PTPRB: variants seen among roughly 807,000 people sequenced by gnomAD.
The protein encoded by PTPRB is protein tyrosine phosphatase receptor type B.
A neutral mutation model predicts 238.1 loss-of-function variants in PTPRB; 97 were observed. The ratio of observed to expected loss-of-function variants is 0.41; its 90% CI spans 0.35 to 0.48. The LOEUF (loss-of-function observed/expected upper bound fraction) is 0.48. Ranked by LOEUF, PTPRB falls within the 20% of genes least tolerant of loss-of-function variation. PTPRB has a pLI of 0.30. For missense variants in PTPRB, 2,292 were observed against 2,681.9 expected, an observed-to-expected ratio of 0.85 and a Z score of 3.21; for synonymous variants, 970 against 995.4, an observed-to-expected ratio of 0.97 and a Z score of 0.48.
intron 4 of PTPRB, among the ~76,000 whole-genome samples, chr12:70,605,647 A>C (rs1337220345): frequency 1.3e-5 from 2 of 152,080 alleles, no homozygotes; most frequent in Non-Finnish European, 2.9e-5. Flanking sequence ...AGAAGACACA[A>C]GTCAGCTCTA....
intron 15 of PTPRB, 52 bp downstream of exon 15, chr12:70,566,383 A>G (rs1291666192): frequency 1.9e-6 from 3 of 1,583,892 alleles, no homozygotes; most frequent in Non-Finnish European, 2.6e-6. Context: ...GTTCTTACAC[A>G]ATAGCAGACA....
chr12:70,566,137 C>T (rs1429567685), intron 15 of PTPRB, among the ~76,000 whole-genome samples: 1 of 152,102 alleles, frequency 6.6e-6, no homozygotes, highest in Non-Finnish European at 1.5e-5. Flanking sequence ...ATCTTCAGGA[C>T]TAGAAAATAA....
At chr12:70,550,023 T>C (rs1189933498) in intron 21 of PTPRB, among the ~76,000 whole-genome samples, 1 of 152,204 alleles carries the variant, frequency 6.6e-6, no homozygotes, top group Non-Finnish European at 1.5e-5. Context: ...CCTGTTGGAC[T>C]GTGAGTTCTT....
chr12:70,535,584 G>A (rs1874003735), intron 29 of PTPRB, among the ~76,000 whole-genome samples: 1 of 152,230 alleles, frequency 6.6e-6, no homozygotes, highest in East Asian at 1.9e-4. Flanking sequence ...TAAAGTAGAG[G>A]ATGGTAAGTG....
Position 70,635,741 on chromosome 12 carries a change from G to C in PTPRB, c.381C>G (p.Leu127=). 6.2e-7 allele frequency: 1 copy of C among 1,613,920 alleles called. No homozygotes were observed. Among genetic ancestry groups the C allele is most frequent in the Non-Finnish European group, 8.5e-7 (1 of 1,179,876 alleles). The stretch of plus-strand genomic sequence containing the variant: ...TGACATCTATTTTCATCCAGCTATG[G>C]AGGTATTTCCTGGCCTTCTTGACCA... The part of the protein sequence containing the change: ...RVVVKKARKY[L]HSWMKIDVNK... Residue 127 remains leucine, a synonymous_variant, in exon 2 of 34, where the codon CTC becomes CTG. Coordinates refer to ENST00000334414, the MANE Select transcript of PTPRB (RefSeq NM_001109754.4).
In PTPRB at chr12:70,563,062, C is replaced by T; in HGVS notation, c.3950G>A (p.Arg1317Lys). The change falls in exon 16 of 34, where the codon AGG (arginine) becomes AAG (lysine). Residue 1317 changes from arginine to lysine, a missense_variant. Arg to Lys is a conservative substitution (Grantham distance 26). Transcript: ENST00000334414. ...TDLRITENST[R>K]HLSFRWTASE... ...GGCGGTCCAGCGGAAGGACAGGTGC[C>T]TGGTGGAGTTCTCTGTGATCCTCAG... is the stretch of plus-strand genomic sequence containing the variant. 6.2e-7 allele frequency: 1 copy of T among 1,613,742 alleles called. No homozygotes were observed. The highest frequency in any genetic ancestry group is 8.5e-7 in the Non-Finnish European group (1 of 1,179,756).
rs1565915002 is a variant in PTPRB at position 70,538,932 on chromosome 12, ATAT to A, written c.5858_5860del (p.Asn1953del). The A allele has an allele frequency of 5.0e-6, 8 of 1,611,984 alleles. No homozygotes were observed. In the Admixed American group the frequency reaches 5.0e-5, roughly 10 times the overall value. On this transcript the variant is annotated inframe_deletion, in exon 27 of 34. Transcript: ENST00000334414. ...TTTGACACAAAACTTACAGGGCAAT[ATAT>A]TGTTGTATCGATTTTTCCCTCTATT...
In PTPRB at chr12:70,535,224, G is replaced by GT. The variant is rs71457059; in HGVS notation, c.6082-270dup. ...TTAGGCCCAGTAATATATGGCTTGA[G>GT]TTTTTTTTTTTTTTTTTTTTTTTTT... On this transcript the variant is annotated intron_variant, in intron 29 of 33. Transcript: ENST00000334414. 9.2e-3 allele frequency among the ~76,000 whole-genome samples: 758 copies of GT among 82,006 alleles called. 21 individuals carry two copies. Among genetic ancestry groups the GT allele is most frequent in the South Asian group, 0.061 (102 of 1,666 alleles). 53.8% of individuals were successfully genotyped at this position (82,006 alleles called of 152,430 possible). A position where few individuals can be genotyped will look rare whatever the true frequency, so the allele number is the denominator to read the frequency against.
At position 70,516,561 on chromosome 12, in the gene PTPRB, A is replaced by T. The variant is rs988826247; in HGVS notation, c.*4928T>A. On this transcript the variant is annotated 3_prime_UTR_variant, in exon 34 of 34. Coordinates refer to ENST00000334414, the MANE Select transcript of PTPRB (RefSeq NM_001109754.4). The stretch of plus-strand genomic sequence containing the variant: ...CACAAACTCTTAAAGCCACAATTTC[A>T]TGTGTTCCTTTCTTGATGGAGGTGC... 2 of 152,160 alleles carry T rather than the reference A, an allele frequency of 1.3e-5. No individual in the cohort carries two copies. Among genetic ancestry groups the T allele is most frequent in the African/African-American group, 4.8e-5 (2 of 41,438 alleles). The allele number at this position is 152,160 out of a possible 1,614,324, so 9.4% of individuals were successfully genotyped here. A position where few individuals can be genotyped will look rare whatever the true frequency, so the allele number is the denominator to read the frequency against.
chr12:70,567,738 C>A (rs1422683890), intron 14 of PTPRB, among the ~76,000 whole-genome samples: 1 of 152,222 alleles, frequency 6.6e-6, no homozygotes, highest in Non-Finnish European at 1.5e-5. Context: ...ATGCTAATGG[C>A]CCTATAGTGG....
chr12:70,549,511 T>C (rs1263582423), intron 21 of PTPRB, among the ~76,000 whole-genome samples: 1 of 152,238 alleles, frequency 6.6e-6, no homozygotes, highest in Non-Finnish European at 1.5e-5. Flanking sequence ...ATTATATCTG[T>C]TGACATAATA....
intron 32 of PTPRB, among the ~76,000 whole-genome samples, chr12:70,528,256 T>C (rs764908078): frequency 3.5e-4 from 53 of 152,144 alleles, no homozygotes; most frequent in Non-Finnish European, 6.0e-4. Context: ...TACGATGACA[T>C]GAAGCTGGAG....
intron 27 of PTPRB, 40 bp from the exon 28 acceptor site, chr12:70,538,271 T>G (rs948026925): frequency 2.6e-6 from 4 of 1,556,456 alleles, no homozygotes; most frequent in Non-Finnish European, 3.5e-6. Context: ...GGAGTGACTT[T>G]TCTACAGTTT....
Position 70,589,945 on chromosome 12 carries a change from C to T in PTPRB, c.2050+19G>A. The T allele has an allele frequency of 1.2e-6, 2 of 1,608,342 alleles. No individual in the cohort carries two copies. Among genetic ancestry groups the T allele is most frequent in the South Asian group, 2.2e-5 (2 of 90,388 alleles). ...CAAATTACTCTTCCATTGGTATTAA[C>T]ATCTTCATATTTGCCTACCTGTCCT... On this transcript the variant is annotated intron_variant, in intron 8 of 33. Coordinates refer to ENST00000334414, the MANE Select transcript of PTPRB (RefSeq NM_001109754.4).
rs1879313697 is a variant in PTPRB, at chr12:70,566,473, C to T, written c.3866G>A (p.Gly1289Asp). 1 of 1,613,788 alleles carries T rather than the reference C, an allele frequency of 6.2e-7. No individual in the cohort carries two copies. The highest frequency in any genetic ancestry group is 1.1e-5 in the South Asian group (1 of 91,076). ...AGTCTGGGCTTCCTTGCTAAAGAGG[C>T]CTCCACTGACAGTTAGGATCTGTAT... ...YKIQILTVSG[G>D]LFSKEAQTEG... The change falls in exon 15 of 34, where the codon GGC (glycine) becomes GAC (aspartate). Residue 1289 changes from glycine to aspartate, a missense_variant. This residue lies in a region of PTPRB where 683 missense variants were observed against 862.0 expected (regional missense o/e 0.79). Transcript: ENST00000334414.
At chr12:70,533,362 A>C (rs538418531) in intron 31 of PTPRB, among the ~76,000 whole-genome samples, 1 of 152,330 alleles carries the variant, frequency 6.6e-6, no homozygotes, top group East Asian at 1.9e-4. Flanking sequence ...GGAGGAGATG[A>C]GTACACTTGG....
At chr12:70,522,805 TTTTC>T (rs1202469245) in intron 33 of PTPRB, among the ~76,000 whole-genome samples, 1 of 152,082 alleles carries the variant, frequency 6.6e-6, no homozygotes, top group Non-Finnish European at 1.5e-5. Flanking sequence ...TACATCCTGC[TTTTC>T]TTTATTTAGC....
At chr12:70,617,292 T>C (rs900397679) in intron 3 of PTPRB, among the ~76,000 whole-genome samples, 4 of 152,358 alleles carry the variant, frequency 2.6e-5, no homozygotes, top group Non-Finnish European at 5.9e-5. Context: ...AAGAAAACTA[T>C]AGTCCATGTT....
chr12:70,592,665 C>T, intron 6 of PTPRB, 120 bp from the exon 7 acceptor site: 1 of 1,081,298 alleles, frequency 9.2e-7, no homozygotes, highest in Non-Finnish European at 1.3e-6. Context: ...AGAAAACAAG[C>T]ACTTCAAGAG....
Sources: gnomAD v4.1 joint callset for allele counts (sites outside exome capture counted in the v4.1 genomes callset) on GRCh38, gnomAD v4.1.1 for gene constraint, gnomAD v4.1.1 regional missense constraint, MANE v1.5 for transcripts, NCBI Gene and HGNC (gene_info 2026-07-23, HGNC 2026-07-21) for gene names.